DMXL1: variants seen among roughly 807,000 people sequenced by gnomAD.
DMXL1 encodes dmX-like protein 1.
Under a neutral mutation model 319.2 loss-of-function variants are expected in DMXL1, and 99 were observed. The ratio of observed to expected loss-of-function variants is 0.31; its 90% confidence interval spans 0.26 to 0.37. DMXL1 has a LOEUF of 0.37. DMXL1 is among the 10% of genes least tolerant of loss of function. The probability of loss-of-function intolerance (pLI) is 1.00; values close to 1 mark genes in which losing one functional copy is unlikely to be tolerated. For synonymous variants in DMXL1, 1,385 were observed against 1,235.2 expected (o/e 1.12, Z -2.54); for missense variants, 3,745 against 3,595.6 (o/e 1.04, Z -1.06).
At chr5:119,197,095 C>T (rs554405651) in intron 31 of DMXL1, among the ~76,000 whole-genome samples, 1 of 152,228 alleles carries the variant, frequency 6.6e-6, no homozygotes, top group South Asian at 2.1e-4. Flanking sequence ...TATGGATGGG[C>T]AGAACTGCTA....
chr5:119,230,025 A>G (rs759037828), intron 38 of DMXL1, among the ~76,000 whole-genome samples: 9 of 152,206 alleles, frequency 5.9e-5, no homozygotes, highest in Non-Finnish European at 1.2e-4. Context: ...ATTAATATCC[A>G]TCATTTAATT....
chr5:119,077,754 AGTGTGT>A (rs59365686), intron 1 of DMXL1, among the ~76,000 whole-genome samples: 8,350 of 125,350 alleles, frequency 0.067, 532 homozygotes, highest in East Asian at 0.3. Flanking sequence ...TTATTTTTTA[AGTGTGT>A]GTGTGTGTGT....
chr5:119,187,375 A>G (rs1278278551), intron 28 of DMXL1, among the ~76,000 whole-genome samples: 1 of 152,204 alleles, frequency 6.6e-6, no homozygotes. Context: ...AGCATTTTCA[A>G]AAACAACCAG....
intron 23 of DMXL1, among the ~76,000 whole-genome samples, chr5:119,169,558 C>G (rs1366056484): frequency 6.6e-6 from 1 of 152,026 alleles, no homozygotes; most frequent in Non-Finnish European, 1.5e-5. Flanking sequence ...GTGAGTTAAT[C>G]AGTATAGATA....
At chr5:119,185,802 C>T (rs1192457474) in intron 28 of DMXL1, among the ~76,000 whole-genome samples, 3 of 151,982 alleles carry the variant, frequency 2.0e-5, no homozygotes, top group African/African-American at 4.8e-5. Context: ...TGTGCCTGGC[C>T]AGACTTTTTT....
chr5:119,128,031 C>T, intron 9 of DMXL1: 1 of 425,606 alleles, frequency 2.3e-6, no homozygotes, highest in Non-Finnish European at 4.7e-6. Flanking sequence ...TCATGATTCT[C>T]CATTTAGGTG....
chr5:119,140,688 C>G (rs569742117), intron 13 of DMXL1, among the ~76,000 whole-genome samples: 1 of 152,258 alleles, frequency 6.6e-6, no homozygotes, highest in African/African-American at 2.4e-5. Context: ...CAAAGAAGAG[C>G]TGGTACCATT....
intron 38 of DMXL1, among the ~76,000 whole-genome samples, chr5:119,232,649 G>A (rs562243803): frequency 5.1e-4 from 78 of 151,992 alleles, no homozygotes; most frequent in Non-Finnish European, 9.4e-4. Flanking sequence ...GCAAAGCGAA[G>A]AATCAATAGT....
intron 9 of DMXL1, among the ~76,000 whole-genome samples, chr5:119,126,062 G>A (rs188367944): frequency 1.1e-4 from 17 of 152,120 alleles, no homozygotes; most frequent in East Asian, 1.9e-4. Flanking sequence ...AGGCCGAGGC[G>A]GTGGTGAAGT....
rs746063990 is a variant in DMXL1 at position 119,133,874 on chromosome 5, A to G, written c.1950A>G (p.Pro650=). 6 of 1,614,028 alleles carry G rather than the reference A, an allele frequency of 3.7e-6. No homozygotes were observed. In the Admixed American group the frequency reaches 5.0e-5, roughly 13 times the overall value. The change falls in exon 12 of 44, where the codon CCA becomes CCG. Residue 650 remains proline (P), a synonymous_variant. Transcript: ENST00000539542. ...ATTTAGCTTGCCACTCAGTATTACC[A>G]TTATTGCTGACAACATCACACCATA... ...LNDLACHSVL[P]LLLTTSHHNA...
chr5:119,194,522 C>G (rs771096475), intron 30 of DMXL1, among the ~76,000 whole-genome samples: 2 of 152,026 alleles, frequency 1.3e-5, no homozygotes, highest in South Asian at 2.1e-4. Flanking sequence ...ACATCTAAAA[C>G]GTGTATGTTT....
At position 119,149,160 on chromosome 5, in the gene DMXL1, TGTTGATAGCAATTTA is replaced by T. The variant is rs771347889; in HGVS notation, c.3336_3350del (p.Asp1113_Val1117del). On this transcript the variant is annotated inframe_deletion, in exon 18 of 44. Coordinates refer to ENST00000539542, the MANE Select transcript of DMXL1 (RefSeq NM_001290321.3). ...GCACAGTATTGGATTCTGGCATTAGTGTTGATAGCAATTTAGTGGCCTATAATAAACAAGACATGT... is the reference window on the plus strand; with the variant it reads ...GCACAGTATTGGATTCTGGCATTAGTGTGGCCTATAATAAACAAGACATGT... 1.2e-5 allele frequency: 19 copies of T among 1,613,778 alleles called. No homozygotes were observed. In the South Asian group the frequency reaches 2.1e-4, roughly 18 times the overall value.
chr5:119,132,060 A>G (rs1765024302), intron 10 of DMXL1, among the ~76,000 whole-genome samples: 1 of 152,208 alleles, frequency 6.6e-6, no homozygotes. Flanking sequence ...GCTCAAGGGG[A>G]TCAAAGTACC....
chr5:119,223,597 T>C (rs984756148), intron 37 of DMXL1, among the ~76,000 whole-genome samples: 1 of 152,204 alleles, frequency 6.6e-6, no homozygotes, highest in Non-Finnish European at 1.5e-5. Context: ...AACTGTGATT[T>C]GTTAACATGA....
chr5:119,208,504 G>C (rs1042763214), intron 34 of DMXL1, among the ~76,000 whole-genome samples: 3 of 152,094 alleles, frequency 2.0e-5, no homozygotes, highest in Non-Finnish European at 4.4e-5. Flanking sequence ...GTGAGACACC[G>C]TGCCCAGCCA....
chr5:119,170,183 C>T lies in DMXL1; in HGVS notation c.5399-7C>T. 6.3e-7 allele frequency: 1 copy of T among 1,582,670 alleles called. No individual in the cohort carries two copies. ...TTTCTTGGCTCATAAAATGAATTTACTTTCAGATCAAGTTTTATCAGCCAG... is the reference window on the plus strand; with the variant it reads ...TTTCTTGGCTCATAAAATGAATTTATTTTCAGATCAAGTTTTATCAGCCAG... On this transcript the variant is annotated splice_region_variant and splice_polypyrimidine_tract_variant and intron_variant, in intron 23 of 43. Coordinates refer to ENST00000539542, the MANE Select transcript of DMXL1 (RefSeq NM_001290321.3).
chr5:119,212,410 A>G (rs1029220302), intron 34 of DMXL1, among the ~76,000 whole-genome samples: 2 of 152,214 alleles, frequency 1.3e-5, no homozygotes, highest in Non-Finnish European at 2.9e-5. Flanking sequence ...AAGGCTGAAT[A>G]GTATTCTAAT....
At chr5:119,178,301 C>A in intron 28 of DMXL1, 57 bp downstream of exon 28, 2 of 1,530,046 alleles carry the variant, frequency 1.3e-6, no homozygotes, top group Non-Finnish European at 8.9e-7. Flanking sequence ...TGATATCATT[C>A]TCAAACGTAA....
chr5:119,159,376 C>T (rs1161677935), intron 19 of DMXL1, among the ~76,000 whole-genome samples: 1 of 152,186 alleles, frequency 6.6e-6, no homozygotes, highest in East Asian at 1.9e-4. Context: ...GGGTTACAGG[C>T]GTGAGACGCC....
Sources: gnomAD v4.1 joint callset for allele counts (sites outside exome capture counted in the v4.1 genomes callset) on GRCh38, gnomAD v4.1.1 for gene constraint, MANE v1.5 for transcripts, NCBI Gene and HGNC (gene_info 2026-07-23, HGNC 2026-07-21) for gene names.